Variants in CDC123 observed in about 807,000 individuals in gnomAD.
The protein encoded by CDC123 is translation initiation factor eIF2 assembly protein.
In CDC123, 37 loss-of-function variants were observed where a neutral mutation model predicts 54.4. The observed-to-expected ratio is 0.68, with a 90% CI of 0.52 to 0.89. CDC123 has a LOEUF of 0.89. Among genes scored for constraint, CDC123 ranks in the 40% least tolerant of loss-of-function variants. CDC123 has a pLI of 0.00. For missense variants in CDC123, 361 were observed against 412.1 expected (o/e 0.88, Z 1.07); for synonymous variants, 144 against 136.8 (o/e 1.05, Z -0.37).
intron 6 of CDC123, among the ~76,000 whole-genome samples, chr10:12,223,890 G>A (rs1835770011): frequency 6.6e-6 from 1 of 151,740 alleles, no homozygotes. Context: ...CAGTAGGTTT[G>A]GGGGAACAGG....
At chr10:12,227,982 C>CTAGAGTGCAATGGTGTGATCATAGCT in intron 6 of CDC123, among the ~76,000 whole-genome samples, 1 of 152,240 alleles carries the variant, frequency 6.6e-6, no homozygotes, top group African/African-American at 2.4e-5. Flanking sequence ...TCACTCTGGG[C>CTAGAGTGCAATGGTGTGATCATAGCT]TAGAGTGCAA....
intron 6 of CDC123, among the ~76,000 whole-genome samples, chr10:12,227,326 G>A (rs995769856): frequency 4.3e-4 from 66 of 152,066 alleles, no homozygotes; most frequent in African/African-American, 1.3e-3. Context: ...ACTTTTCTAA[G>A]ACCATAAAAT....
At chr10:12,218,020 C>G (rs10906100) in intron 6 of CDC123, among the ~76,000 whole-genome samples, 1 of 152,006 alleles carries the variant, frequency 6.6e-6, no homozygotes, top group Middle Eastern at 3.4e-3. Context: ...ACCCGGGAGG[C>G]GGAGTTTGTA....
At chr10:12,237,106 A>G in intron 8 of CDC123, 38 bp from the exon 9 acceptor site, 1 of 1,493,628 alleles carries the variant, frequency 6.7e-7, no homozygotes, top group African/African-American at 1.4e-5. Context: ...TGAAAAGAAT[A>G]TTGTATAATA....
intron 11 of CDC123, 77 bp from the exon 12 acceptor site, chr10:12,249,504 T>C (rs1836208891): frequency 7.1e-6 from 10 of 1,415,024 alleles, no homozygotes; most frequent in Non-Finnish European, 8.7e-6. Flanking sequence ...ATTGTTTTGC[T>C]AGGTTCTTTT....
chr10:12,198,539 CTTA>C (rs1367039956), intron 1 of CDC123, among the ~76,000 whole-genome samples, 163 bp from the exon 2 acceptor site: 4 of 152,138 alleles, frequency 2.6e-5, no homozygotes, highest in Admixed American at 2.0e-4. Context: ...CCGCAGTAAT[CTTA>C]TTATTCTGAT....
In CDC123 at chr10:12,215,908, T is replaced by C. The variant is rs1252319713; in HGVS notation, c.333+73T>C. 13 of 876,482 alleles carry C rather than the reference T, an allele frequency of 1.5e-5. No homozygotes were observed. The Admixed American group carries it at 3.5e-4, about 24-fold the overall frequency. 54.3% of individuals were successfully genotyped at this position (876,482 alleles called of 1,614,324 possible). A position where few individuals can be genotyped will look rare whatever the true frequency, so the allele number is the denominator to read the frequency against. On this transcript the variant is annotated intron_variant, in intron 5 of 12. Coordinates refer to ENST00000281141, the MANE Select transcript of CDC123 (RefSeq NM_006023.3). The stretch of plus-strand genomic sequence containing the variant: ...TGCTGTTTATTTCATTTCATATCCC[T>C]ACAGAGGGTCTAATTATATTCCTAA...
At chr10:12,198,414 T>C (rs979904786) in intron 1 of CDC123, among the ~76,000 whole-genome samples, 3 of 152,232 alleles carry the variant, frequency 2.0e-5, no homozygotes, top group African/African-American at 7.2e-5. Flanking sequence ...ACATAAATGT[T>C]GTGCTCACTC....
chr10:12,237,008 G>A (rs563353946), intron 8 of CDC123, 136 bp from the exon 9 acceptor site: 102 of 948,766 alleles, frequency 1.1e-4, no homozygotes, highest in African/African-American at 1.7e-4. Context: ...CAGCTGGGTC[G>A]TGTGTAATGC....
intron 6 of CDC123, among the ~76,000 whole-genome samples, chr10:12,226,537 C>T (rs371841123): frequency 4.7e-5 from 7 of 149,606 alleles, no homozygotes; most frequent in African/African-American, 7.4e-5. Context: ...ACCTCCCAGA[C>T]GGGGTGGAGG....
At chr10:12,224,201 TAA>T (rs570026616) in intron 6 of CDC123, among the ~76,000 whole-genome samples, 13 of 141,364 alleles carry the variant, frequency 9.2e-5, no homozygotes, top group Admixed American at 1.4e-4. Context: ...TTTTGTTCCT[TAA>T]AAAAAAAAAA....
At position 12,249,670 on chromosome 10, in the gene CDC123, CCT is replaced by C; in HGVS notation, c.941_942del (p.Ser314TyrfsTer13). On this transcript the variant is annotated frameshift_variant, in exon 12 of 13. Transcript: ENST00000281141. LOFTEE classifies it high-confidence loss of function. ...SYRLPKDFVD[L>X]STGEDAHKLI... ...ACCGGCTACCCAAGGACTTTGTAGACCTCTCTACTGGGGAGGACGCTCACAAG... is the reference window on the plus strand; with the variant it reads ...ACCGGCTACCCAAGGACTTTGTAGACCTCTACTGGGGAGGACGCTCACAAG... The C allele has an allele frequency of 6.2e-7, 1 of 1,614,202 alleles. No homozygotes were observed. The highest frequency in any genetic ancestry group is 8.5e-7 in the Non-Finnish European group (1 of 1,180,038).
At chr10:12,198,405 C>T (rs1215091102) in intron 1 of CDC123, among the ~76,000 whole-genome samples, 2 of 152,210 alleles carry the variant, frequency 1.3e-5, no homozygotes, top group South Asian at 2.1e-4. Flanking sequence ...CTTAAAGACA[C>T]ATAAATGTTG....
At chr10:12,232,371 C>T (rs1376872279) in intron 7 of CDC123, among the ~76,000 whole-genome samples, 3 of 151,998 alleles carry the variant, frequency 2.0e-5, no homozygotes, top group East Asian at 3.9e-4. Flanking sequence ...TAAAATCTGT[C>T]TTTAGTGTCT....
chr10:12,210,100 G>C (rs1835577553), intron 3 of CDC123, 76 bp downstream of exon 3: 1 of 1,519,798 alleles, frequency 6.6e-7, no homozygotes, highest in Non-Finnish European at 9.1e-7. Context: ...CTGACTTGTA[G>C]ATCTTATCTT....
At chr10:12,207,279 A>G (rs1229480222) in intron 2 of CDC123, among the ~76,000 whole-genome samples, 1 of 152,064 alleles carries the variant, frequency 6.6e-6, no homozygotes, top group Non-Finnish European at 1.5e-5. Flanking sequence ...ATTGAATTTT[A>G]AAATTTCAAC....
At chr10:12,243,872 A>G (rs1836093011) in intron 10 of CDC123, among the ~76,000 whole-genome samples, 1 of 152,192 alleles carries the variant, frequency 6.6e-6, no homozygotes, top group South Asian at 2.1e-4. Context: ...AAGACATCTT[A>G]GCAGTATTCT....
Position 12,196,302 on chromosome 10 carries a change from A to C in CDC123, c.57A>C (p.Arg19=), listed in dbSNP as rs761832328. Residue 19 remains arginine (R), a synonymous_variant, in exon 1 of 13, where the codon CGA becomes CGC. Coordinates refer to ENST00000281141, the MANE Select transcript of CDC123 (RefSeq NM_006023.3). ...TCTCCGCGTGGTACCCGTTCTTCCG[A>C]GGCGTTACCATCAAGAGGTGAGATG... The part of the protein sequence containing the change: ...CQFSAWYPFF[R]GVTIKSVILP... The C allele has an allele frequency of 8.7e-6, 14 of 1,613,392 alleles. No homozygotes were observed. The highest frequency in any genetic ancestry group is 1.2e-5 in the Non-Finnish European group (14 of 1,179,662).
intron 2 of CDC123, among the ~76,000 whole-genome samples, chr10:12,206,788 C>T (rs1289455667): frequency 6.6e-6 from 1 of 152,056 alleles, no homozygotes; most frequent in Non-Finnish European, 1.5e-5. Flanking sequence ...GAAACCCCAT[C>T]TCTACTAAAA....
Sources: allele counts gnomAD v4.1 joint callset (sites outside exome capture counted in the v4.1 genomes callset), GRCh38; gene constraint gnomAD v4.1.1; transcripts MANE v1.5; gene names NCBI Gene and HGNC (gene_info 2026-07-23, HGNC 2026-07-21).